The following ANKRD13D variants were observed in gnomAD, a reference collection of about 807,000 sequenced individuals.
ANKRD13D encodes the protein ankyrin repeat domain-containing protein 13D.
In ANKRD13D, 24 loss-of-function variants were observed where a neutral mutation model predicts 68.8. The ratio of observed to expected loss-of-function variants is 0.35; its 90% CI spans 0.25 to 0.49. The LOEUF is 0.49. Among genes scored for constraint, ANKRD13D ranks in the 20% least tolerant of loss-of-function variants. ANKRD13D has a pLI of 0.99. For missense variants in ANKRD13D, 735 were observed against 832.1 expected (o/e 0.88, Z 1.44); for synonymous variants, 331 against 336.1 (o/e 0.98, Z 0.16).
Position 67,299,436 on chromosome 11 carries a change from C to G in ANKRD13D, c.799-94C>G. 9.1e-7 allele frequency: 1 copy of G among 1,093,910 alleles called. No homozygotes were observed. The highest frequency in any genetic ancestry group is 1.3e-6 in the Non-Finnish European group (1 of 751,260). 67.8% of individuals were successfully genotyped at this position (1,093,910 alleles called of 1,614,324 possible). ...TTTTGGGGAGCAAGATCTCATCTGT[C>G]TCTGGGACAGGAGGACCTGGGTTCT... On this transcript the variant is annotated intron_variant, in intron 7 of 14. Coordinates refer to ENST00000511455, the MANE Select transcript of ANKRD13D (RefSeq NM_207354.3). This position sits in a 1 kb window ranked among gnomAD's most constrained non-coding sequence, Gnocchi z 6.2.
At position 67,302,335 on chromosome 11, in the gene ANKRD13D, C is replaced by CA. The variant is rs1861049141; in HGVS notation, c.*4dup. The CA allele has an allele frequency of 3.3e-6, 5 of 1,509,278 alleles. No individual in the cohort carries two copies. The highest frequency in any genetic ancestry group is 2.1e-5 in the Admixed American group (1 of 47,618). 93.5% of individuals were successfully genotyped at this position (1,509,278 alleles called of 1,614,324 possible). On this transcript the variant is annotated 3_prime_UTR_variant, in exon 15 of 15. Coordinates refer to ENST00000511455, the MANE Select transcript of ANKRD13D (RefSeq NM_207354.3). ...AGCTGTCACTCACTGAGCACTGAGC[C>CA]ATAGCCCCGGGAGGGCTGGCCAGGC...
rs540716396 is a variant in ANKRD13D at position 67,290,401 on chromosome 11, G to T, written c.306G>T (p.Thr102=). Residue 102 remains threonine (T), a synonymous_variant, in exon 3 of 15, where the codon ACG becomes ACT. Transcript: ENST00000511455. ...VLQYRDYQRA[T]QRLAGIPELL... ...AGTATCGGGACTACCAGAGGGCCAC[G>T]CAGAGGCTGGCGGGCATTCCGGAAC... is the stretch of plus-strand genomic sequence containing the variant. 2 of 1,593,198 alleles carry T rather than the reference G, an allele frequency of 1.3e-6. No individual in the cohort carries two copies. The highest frequency in any genetic ancestry group is 1.7e-6 in the Non-Finnish European group (2 of 1,171,124).
In ANKRD13D at chr11:67,300,662, GA is replaced by G. The variant is rs1241168336; in HGVS notation, c.1074-327del. On this transcript the variant is annotated intron_variant, in intron 10 of 14. Coordinates refer to ENST00000511455, the MANE Select transcript of ANKRD13D (RefSeq NM_207354.3). The surrounding 1 kb of genome is among the most constrained non-coding windows in gnomAD (Gnocchi z 4.3). ...AAAGTTTGGCAACACGTGAGCTGGT[GA>G]CCAGCTCTGGGCTGAGGAGGAAAAC... The G allele has an allele frequency of 2.1e-6, 1 of 472,252 alleles. No homozygotes were observed. The highest frequency in any genetic ancestry group is 2.0e-5 in the African/African-American group (1 of 50,386). 29.3% of individuals were successfully genotyped at this position (472,252 alleles called of 1,614,324 possible).
chr11:67,290,235 T>TCCC, intron 2 of ANKRD13D, 22 bp downstream of exon 2: 1 of 1,542,764 alleles, frequency 6.5e-7, no homozygotes, highest in Non-Finnish European at 8.7e-7. Flanking sequence ...GACAAGGGGC[T>TCCC]CCCCCTGAGG....
At position 67,291,973 on chromosome 11, in the gene ANKRD13D, A is replaced by T; in HGVS notation, c.542-18A>T. ...GCACTGATTTGCGCCCCCTCTGTCC[A>T]CCCCTACCGGCCGGCAGAGGCAGGA... is the stretch of plus-strand genomic sequence containing the variant. On this transcript the variant is annotated intron_variant, in intron 5 of 14. Transcript: ENST00000511455. 1 of 1,561,628 alleles carries T rather than the reference A, an allele frequency of 6.4e-7. No homozygotes were observed. The highest frequency in any genetic ancestry group is 8.7e-7 in the Non-Finnish European group (1 of 1,149,656).
chr11:67,299,911 C>T lies in ANKRD13D; in HGVS notation c.942+23C>T. On this transcript the variant is annotated intron_variant, in intron 9 of 14. Transcript: ENST00000511455. The surrounding 1 kb of genome is among the most constrained non-coding windows in gnomAD (Gnocchi z 6.2). ...GGGGTGAGCCGGGGCTGGGCCGAGACAGGGCTGGCGGGGGGCCGAGCCTGG... is the reference window on the plus strand; with the variant it reads ...GGGGTGAGCCGGGGCTGGGCCGAGATAGGGCTGGCGGGGGGCCGAGCCTGG... 1 of 1,557,236 alleles carries T rather than the reference C, an allele frequency of 6.4e-7. No homozygotes were observed. The highest frequency in any genetic ancestry group is 8.7e-7 in the Non-Finnish European group (1 of 1,149,696).
rs529823501 is a variant in ANKRD13D at position 67,299,225 on chromosome 11, C to T, written c.798+101C>T. ...CAGAGTAGCCCCTGGGCTCTGGAAA[C>T]CCTGAGCATTTGTGGGAACTCAGCG... On this transcript the variant is annotated intron_variant, in intron 7 of 14. Coordinates refer to ENST00000511455, the MANE Select transcript of ANKRD13D (RefSeq NM_207354.3). This position sits in a 1 kb window ranked among gnomAD's most constrained non-coding sequence, Gnocchi z 6.2. The T allele has an allele frequency of 3.1e-5, 44 of 1,440,988 alleles. No individual in the cohort carries two copies. In the East Asian group the frequency reaches 8.9e-4, roughly 29 times the overall value. The allele number at this position is 1,440,988 out of a possible 1,614,324, so 89.3% of individuals were successfully genotyped here.
rs1380982759 is a variant in ANKRD13D, at chr11:67,300,094, C to T, written c.1044C>T (p.Arg348=). Residue 348 remains arginine, a synonymous_variant, in exon 10 of 15, where the codon CGC becomes CGT. Coordinates refer to ENST00000511455, the MANE Select transcript of ANKRD13D (RefSeq NM_207354.3). This position sits in a 1 kb window ranked among gnomAD's most constrained non-coding sequence, Gnocchi z 4.3. The part of the protein sequence containing the change: ...NFSLESRNIG[R]PIEMSSKVQR... ...GCCTGGAGTCACGGAACATTGGCCG[C>T]CCCATCGAGATGTCCAGCAAAGTAC... The T allele has an allele frequency of 3.7e-6, 6 of 1,613,906 alleles. No homozygotes were observed. The Admixed American group carries it at 8.3e-5, about 22-fold the overall frequency.
intron 3 of ANKRD13D, 107 bp downstream of exon 3, chr11:67,290,553 C>T (rs1367089301): frequency 2.1e-6 from 3 of 1,441,142 alleles, no homozygotes; most frequent in African/African-American, 1.4e-5. Context: ...CAGTGTGCCT[C>T]CTGCCACCAG....
At chr11:67,292,315 G>A (rs1003618576) in intron 6 of ANKRD13D, 135 bp downstream of exon 6, 2 of 1,077,326 alleles carry the variant, frequency 1.9e-6, no homozygotes, top group East Asian at 2.7e-5. Flanking sequence ...TCAGGGGCAG[G>A]TGGGTTGCTG....
Position 67,300,092 on chromosome 11 carries a change from C to T in ANKRD13D, c.1042C>T (p.Arg348Cys), listed in dbSNP as rs1395023665. The T allele has an allele frequency of 1.9e-6, 3 of 1,614,062 alleles. No individual in the cohort carries two copies. The highest frequency in any genetic ancestry group is 2.5e-6 in the Non-Finnish European group (3 of 1,179,966). Residue 348 changes from arginine (R) to cysteine (C), a missense_variant, in exon 10 of 15, where the codon CGC (arginine) becomes TGC (cysteine). By Grantham distance (180) the Arg-to-Cys change is radical. Transcript: ENST00000511455. This position sits in a 1 kb window ranked among gnomAD's most constrained non-coding sequence, Gnocchi z 4.3. ...CAGCCTGGAGTCACGGAACATTGGC[C>T]GCCCCATCGAGATGTCCAGCAAAGT... The part of the protein sequence containing the change: ...NFSLESRNIG[R>C]PIEMSSKVQR...
At chr11:67,291,769 G>A in intron 5 of ANKRD13D, 23 bp downstream of exon 5, 3 of 1,611,948 alleles carry the variant, frequency 1.9e-6, no homozygotes, top group Non-Finnish European at 2.5e-6. Flanking sequence ...CAAACTCATT[G>A]CAGCTCCTCG....
intron 6 of ANKRD13D, chr11:67,298,106 C>T (rs1193553827): frequency 6.7e-6 from 1 of 148,628 alleles, no homozygotes; most frequent in Non-Finnish European, 1.5e-5. Context: ...CTCTGTCGCC[C>T]AGGCTGGAGT....
At chr11:67,294,401 G>A (rs908744609) in intron 6 of ANKRD13D, among the ~76,000 whole-genome samples, 13 of 152,114 alleles carry the variant, frequency 8.5e-5, no homozygotes, top group South Asian at 8.3e-4. Context: ...CTTCTAATCC[G>A]TGAACATGGG....
chr11:67,289,959 C>T, intron 1 of ANKRD13D, 119 bp from the exon 2 acceptor site: 2 of 1,451,840 alleles, frequency 1.4e-6, no homozygotes, highest in Non-Finnish European at 9.1e-7. Flanking sequence ...CCTCTGCCAT[C>T]TCCCTGGTCA....
chr11:67,293,308 A>G (rs1860650813), intron 6 of ANKRD13D, among the ~76,000 whole-genome samples: 1 of 152,150 alleles, frequency 6.6e-6, no homozygotes, highest in South Asian at 2.1e-4. Context: ...CCTCATCAAC[A>G]CGTCATTATT....
Position 67,299,278 on chromosome 11 carries a change from A to C in ANKRD13D, c.798+154A>C. On this transcript the variant is annotated intron_variant, in intron 7 of 14. Transcript: ENST00000511455. This position sits in a 1 kb window ranked among gnomAD's most constrained non-coding sequence, Gnocchi z 6.2. Reference sequence around the variant, plus strand: ...CCTGAGTGCCCAGCCCCTGCGGAGTACACAGGGCTCACCCACATCATGGGC... The same window carrying C: ...CCTGAGTGCCCAGCCCCTGCGGAGTCCACAGGGCTCACCCACATCATGGGC... The C allele has an allele frequency of 2.2e-6, 2 of 901,350 alleles. No homozygotes were observed. The highest frequency in any genetic ancestry group is 3.4e-6 in the Non-Finnish European group (2 of 580,094). 55.8% of individuals were successfully genotyped at this position (901,350 alleles called of 1,614,324 possible).
chr11:67,300,144 G>A lies in ANKRD13D; in HGVS notation c.1073+21G>A. 1 of 1,613,266 alleles carries A rather than the reference G, an allele frequency of 6.2e-7. No homozygotes were observed. Among genetic ancestry groups the A allele is most frequent in the Non-Finnish European group, 8.5e-7 (1 of 1,179,600 alleles). ...CAGAGGTGAGGTCTGAGAGCTGGCT[G>A]GGGACTTGCCTCGGGACAAGGGCTC... is the stretch of plus-strand genomic sequence containing the variant. On this transcript the variant is annotated intron_variant, in intron 10 of 14. Transcript: ENST00000511455. This position sits in a 1 kb window ranked among gnomAD's most constrained non-coding sequence, Gnocchi z 4.3.
rs2134744784 is a variant in ANKRD13D at position 67,301,252 on chromosome 11, C to T, written c.1232-30C>T. 1 of 1,599,810 alleles carries T rather than the reference C, an allele frequency of 6.3e-7. No individual in the cohort carries two copies. The highest frequency in any genetic ancestry group is 8.5e-7 in the Non-Finnish European group (1 of 1,171,802). ...GCCGGAGGCACAGGTGGCTCTCCGC[C>T]AGGGCTCAGGCGTGGCTGTCTTCTC... On this transcript the variant is annotated intron_variant, in intron 11 of 14. Transcript: ENST00000511455. The surrounding 1 kb of genome is among the most constrained non-coding windows in gnomAD (Gnocchi z 4.5).
Sources: gnomAD v4.1 joint callset for allele counts (sites outside exome capture counted in the v4.1 genomes callset) on GRCh38, gnomAD v4.1.1 for gene constraint, Gnocchi (gnomAD v3.1) non-coding constraint, MANE v1.5 for transcripts, NCBI Gene and HGNC (gene_info 2026-07-23, HGNC 2026-07-21) for gene names.